Variants in PRIM2 observed in about 807,000 individuals in gnomAD.
PRIM2 encodes DNA primase subunit 2.
In PRIM2, 39 loss-of-function variants were observed where a neutral mutation model predicts 67.3. The ratio of observed to expected loss-of-function variants is 0.58; its 90% confidence interval spans 0.45 to 0.76. The LOEUF is 0.76. Ranked by LOEUF, PRIM2 falls within the 30% of genes least tolerant of loss-of-function variation. PRIM2 has a pLI of 0.00. For missense variants in PRIM2, 398 were observed against 598.7 expected (o/e 0.66, Z 3.50); for synonymous variants, 143 against 198.7 (o/e 0.72, Z 2.36).
the PRIM2 span, among the ~76,000 whole-genome samples, chr6:57,241,947 C>T: frequency 6.6e-6 from 1 of 152,166 alleles, no homozygotes. Flanking sequence ...GCTGAGATTA[C>T]AGGCGTCAGC....
intron 5 of PRIM2, among the ~76,000 whole-genome samples, chr6:57,354,415 A>G (rs2208350): frequency 0.13 from 19,163 of 151,824 alleles, 1,373 homozygotes; most frequent in African/African-American, 0.18. Context: ...AGCAAATGAA[A>G]TTGAGCTTAA....
intron 12 of PRIM2, among the ~76,000 whole-genome samples, chr6:57,622,007 G>A (rs1776865996): frequency 6.6e-6 from 1 of 151,886 alleles, no homozygotes; most frequent in Admixed American, 6.6e-5. Context: ...CTGGAGCGCA[G>A]TGGCATGACC....
At chr6:57,331,507 A>C (rs897033985) in intron 5 of PRIM2, among the ~76,000 whole-genome samples, 1 of 152,166 alleles carries the variant, frequency 6.6e-6, no homozygotes, top group Non-Finnish European at 1.5e-5. Context: ...GGTAGAATTT[A>C]CCAGTGAATT....
the PRIM2 span, among the ~76,000 whole-genome samples, chr6:57,306,077 T>C: frequency 1.3e-5 from 2 of 152,170 alleles, no homozygotes. Context: ...GTCCTCTATA[T>C]CCATAGATAG....
intron 7 of PRIM2, among the ~76,000 whole-genome samples, chr6:57,403,517 CT>C (rs1770786020): frequency 6.6e-6 from 1 of 151,956 alleles, no homozygotes; most frequent in Admixed American, 6.5e-5. Flanking sequence ...CTGCCATGGC[CT>C]CCCAAAATGC....
chr6:57,435,066 A>T (rs1771969245), intron 7 of PRIM2: 1 of 152,238 alleles, frequency 6.6e-6, no homozygotes, highest in Admixed American at 6.6e-5. Flanking sequence ...GATTATAGGC[A>T]CTAGGCGGCA....
intron 7 of PRIM2, among the ~76,000 whole-genome samples, chr6:57,483,452 A>C (rs1369975333): frequency 1.1e-4 from 16 of 152,296 alleles, no homozygotes; most frequent in Non-Finnish European, 1.3e-4. Context: ...TATCTTTAAT[A>C]ATATTATGGT....
At chr6:57,472,841 G>A (rs1279879140) in intron 7 of PRIM2, among the ~76,000 whole-genome samples, 10 of 152,298 alleles carry the variant, frequency 6.6e-5, no homozygotes, top group Non-Finnish European at 1.0e-4. Flanking sequence ...TTGCTTTGGA[G>A]AGCAGGAAGC....
chr6:57,462,199 G>A (rs1349517038), intron 7 of PRIM2, among the ~76,000 whole-genome samples: 3 of 152,130 alleles, frequency 2.0e-5, no homozygotes, highest in Non-Finnish European at 4.4e-5. Flanking sequence ...TCACAGGAGA[G>A]TGTGGTAAAA....
At chr6:57,308,209 G>T in the PRIM2 span, among the ~76,000 whole-genome samples, 4,843 of 151,498 alleles carry the variant, frequency 0.032, 236 homozygotes, top group African/African-American at 0.11. Flanking sequence ...GCTCATGGCA[G>T]CCTCCCAGCC....
the PRIM2 span, among the ~76,000 whole-genome samples, chr6:57,238,818 A>C: frequency 1.3e-5 from 2 of 152,224 alleles, no homozygotes; most frequent in African/African-American, 4.8e-5. Flanking sequence ...GACCGCTAGC[A>C]AGACTAATAA....
At chr6:57,529,128 G>T (rs1318890534) in intron 8 of PRIM2, among the ~76,000 whole-genome samples, 1 of 152,104 alleles carries the variant, frequency 6.6e-6, no homozygotes, top group Non-Finnish European at 1.5e-5. Flanking sequence ...AGCTAACACG[G>T]TGAAACCCCG....
At chr6:57,362,011 A>G (rs1769216179) in intron 5 of PRIM2, among the ~76,000 whole-genome samples, 1 of 152,100 alleles carries the variant, frequency 6.6e-6, no homozygotes, top group South Asian at 2.1e-4. Context: ...TAGCAGAGAT[A>G]CTCCAATGGA....
At chr6:57,297,002 ATACTC>A in the PRIM2 span, among the ~76,000 whole-genome samples, 2 of 152,190 alleles carry the variant, frequency 1.3e-5, no homozygotes, top group African/African-American at 4.8e-5. Context: ...GTAATGGACC[ATACTC>A]TATAGAATAA....
At chr6:57,405,378 G>A (rs542040593) in intron 7 of PRIM2, among the ~76,000 whole-genome samples, 3 of 148,828 alleles carry the variant, frequency 2.0e-5, no homozygotes, top group African/African-American at 7.3e-5. Context: ...TAATGATTAT[G>A]TATATGCCTT....
At chr6:57,474,127 GA>G in intron 7 of PRIM2, among the ~76,000 whole-genome samples, 1 of 140,218 alleles carries the variant, frequency 7.1e-6, no homozygotes, top group Non-Finnish European at 1.5e-5. Context: ...TTGTCCATTT[GA>G]AAAATGTTTG....
intron 10 of PRIM2, among the ~76,000 whole-genome samples, chr6:57,543,337 A>G (rs1775216949): frequency 1.3e-5 from 2 of 152,218 alleles, no homozygotes; most frequent in Admixed American, 1.3e-4. Context: ...ATTTGAAATA[A>G]CAGCTTCTGT....
intron 7 of PRIM2, among the ~76,000 whole-genome samples, chr6:57,450,938 A>G (rs1420696262): frequency 1.3e-5 from 2 of 152,170 alleles, no homozygotes; most frequent in Non-Finnish European, 2.9e-5. Flanking sequence ...CTTTTTAGGA[A>G]GGTAAGATTC....
intron 12 of PRIM2, among the ~76,000 whole-genome samples, chr6:57,630,734 A>G (rs1777025440): frequency 6.6e-6 from 1 of 152,136 alleles, no homozygotes; most frequent in Non-Finnish European, 1.5e-5. Flanking sequence ...TAATTCAGAT[A>G]TTAATATATT....
Sources: gnomAD v4.1 joint callset for allele counts (sites outside exome capture counted in the v4.1 genomes callset) on GRCh38, gnomAD v4.1.1 for gene constraint, MANE v1.5 for transcripts, NCBI Gene and HGNC (gene_info 2026-07-23, HGNC 2026-07-21) for gene names.